Variants in LHFPL3 observed in about 807,000 individuals in gnomAD.
The protein encoded by LHFPL3 is LHFPL tetraspan subfamily member 3 protein.
LHFPL3 carries 5 observed loss-of-function variants against 19.3 expected under a neutral mutation model. The observed-to-expected ratio is 0.26, with a 90% CI of 0.14 to 0.54. LHFPL3 has a LOEUF of 0.54. Ranked by LOEUF, LHFPL3 falls within the 20% of genes least tolerant of loss-of-function variation. The pLI is 0.94. For synonymous variants in LHFPL3, 133 were observed against 126.2 expected, an observed-to-expected ratio of 1.05 and a Z score of -0.36; for missense variants, 249 against 307.4, an observed-to-expected ratio of 0.81 and a Z score of 1.42.
intron 1 of LHFPL3, among the ~76,000 whole-genome samples, chr7:104,359,320 C>T (rs1234143067): frequency 6.6e-6 from 1 of 152,112 alleles, no homozygotes; most frequent in African/African-American, 2.4e-5. Flanking sequence ...TTCAGAAGGT[C>T]CTATGTTAGG....
intron 1 of LHFPL3, among the ~76,000 whole-genome samples, chr7:104,420,226 G>A (rs1030188183): frequency 1.3e-5 from 2 of 152,222 alleles, no homozygotes; most frequent in African/African-American, 4.8e-5. Context: ...AGAAGGGAGA[G>A]AACCAGAGGG....
chr7:104,495,601 T>A (rs1051877234), intron 1 of LHFPL3, among the ~76,000 whole-genome samples: 1 of 152,154 alleles, frequency 6.6e-6, no homozygotes, highest in East Asian at 1.9e-4. Context: ...GCCAGGATGG[T>A]CTCCATCTCC....
intron 1 of LHFPL3, among the ~76,000 whole-genome samples, chr7:104,573,764 G>A (rs1051873335): frequency 6.6e-6 from 1 of 152,208 alleles, no homozygotes; most frequent in East Asian, 1.9e-4. Context: ...GTGAGAGACA[G>A]TCCCCTCTTC....
chr7:104,394,781 C>T (rs1397999169), intron 1 of LHFPL3, among the ~76,000 whole-genome samples: 1 of 151,654 alleles, frequency 6.6e-6, no homozygotes, highest in Non-Finnish European at 1.5e-5. Flanking sequence ...GCTGATTGCA[C>T]CCTCCACCTC....
intron 2 of LHFPL3, among the ~76,000 whole-genome samples, chr7:104,789,162 A>G (rs1317740694): frequency 6.6e-6 from 1 of 152,252 alleles, no homozygotes; most frequent in Non-Finnish European, 1.5e-5. Flanking sequence ...AGCTCCTCAC[A>G]TGCTTACCAA....
chr7:104,904,049 T>G (rs1562831378), intron 2 of LHFPL3, among the ~76,000 whole-genome samples: 1 of 152,236 alleles, frequency 6.6e-6, no homozygotes, highest in Admixed American at 6.5e-5. Flanking sequence ...TTTAATAATA[T>G]CTAAAGAAAG....
intron 1 of LHFPL3, among the ~76,000 whole-genome samples, chr7:104,602,171 C>T (rs894522415): frequency 5.3e-5 from 8 of 152,016 alleles, no homozygotes; most frequent in African/African-American, 1.9e-4. Flanking sequence ...CAGGCGTGCA[C>T]CACCATGCCT....
At chr7:104,610,825 C>T (rs981222251) in intron 1 of LHFPL3, among the ~76,000 whole-genome samples, 1 of 152,196 alleles carries the variant, frequency 6.6e-6, no homozygotes, top group African/African-American at 2.4e-5. Context: ...ATCTGGGCAT[C>T]CTGTGGCCCA....
At position 104,684,343 on chromosome 7, in the gene LHFPL3, G is replaced by C. The variant is rs559352417; in HGVS notation, c.446-52332G>C. On this transcript the variant is annotated intron_variant, in intron 1 of 2. Coordinates refer to ENST00000424859, the MANE Select transcript of LHFPL3 (RefSeq NM_199000.3). ...TCCAAGGAGTCAGTAAACTTTCTCC[G>C]TAAAGGGCCAGATAGTAAATATTTT... Among the ~76,000 whole-genome samples the C allele has an allele frequency of 2.6e-5, 4 of 152,128 alleles. 1 individual carries two copies. Among genetic ancestry groups the C allele is most frequent in the Middle Eastern group, 6.3e-3 (2 of 316 alleles).
At chr7:104,557,952 G>C (rs1384100821) in intron 1 of LHFPL3, among the ~76,000 whole-genome samples, 2 of 150,410 alleles carry the variant, frequency 1.3e-5, no homozygotes, top group African/African-American at 2.5e-5. Flanking sequence ...TCTTGCGATA[G>C]TTTACTGAGA....
At chr7:104,479,688 G>T (rs1387280993) in intron 1 of LHFPL3, among the ~76,000 whole-genome samples, 1 of 152,094 alleles carries the variant, frequency 6.6e-6, no homozygotes, top group East Asian at 1.9e-4. Flanking sequence ...CACTACGCCC[G>T]TCCTCTTCTT....
chr7:104,890,406 C>T (rs1434498535), intron 2 of LHFPL3, among the ~76,000 whole-genome samples: 3 of 152,206 alleles, frequency 2.0e-5, no homozygotes, highest in Non-Finnish European at 1.5e-5. Context: ...CCCTTCCTCC[C>T]CCGCATTACA....
In LHFPL3 at chr7:104,531,586, T is replaced by A. The variant is rs73407682; in HGVS notation, c.445+202362T>A. ...CAAAGAAAGCCCGGCCCACCTACTG[T>A]GTGCAGTCATGTCTTCTAGGACTTC... On this transcript the variant is annotated intron_variant, in intron 1 of 2. Coordinates refer to ENST00000424859, the MANE Select transcript of LHFPL3 (RefSeq NM_199000.3). Among the ~76,000 whole-genome samples the A allele has an allele frequency of 9.4e-3, 1,432 of 152,246 alleles. 23 individuals carry two copies. The highest frequency in any genetic ancestry group is 0.033 in the African/African-American group (1,358 of 41,530).
At chr7:104,751,487 A>G (rs1243777162) in intron 2 of LHFPL3, among the ~76,000 whole-genome samples, 378 of 126,378 alleles carry the variant, frequency 3.0e-3, no homozygotes, top group South Asian at 0.012. Flanking sequence ...ATTTTGACCT[A>G]TTCCTAATAG....
chr7:104,500,019 A>G (rs1471980069), intron 1 of LHFPL3, among the ~76,000 whole-genome samples: 1 of 152,244 alleles, frequency 6.6e-6, no homozygotes, highest in Non-Finnish European at 1.5e-5. Flanking sequence ...TGAGCACTGT[A>G]TATGTGGATG....
At chr7:104,414,137 G>A (rs536030005) in intron 1 of LHFPL3, among the ~76,000 whole-genome samples, 3 of 147,050 alleles carry the variant, frequency 2.0e-5, no homozygotes, top group East Asian at 3.9e-4. Flanking sequence ...TTTTTCTTTC[G>A]TTTGAAACCC....
chr7:104,633,862 A>G (rs1225006012), intron 1 of LHFPL3, among the ~76,000 whole-genome samples: 1 of 152,130 alleles, frequency 6.6e-6, no homozygotes, highest in East Asian at 1.9e-4. Flanking sequence ...TGAGGTATTC[A>G]TTTTCCCCCT....
At chr7:104,404,637 C>A (rs188459223) in intron 1 of LHFPL3, among the ~76,000 whole-genome samples, 1 of 152,142 alleles carries the variant, frequency 6.6e-6, no homozygotes, top group African/African-American at 2.4e-5. Context: ...CCAAAGTAAT[C>A]GTTCTGTCTC....
intron 1 of LHFPL3, among the ~76,000 whole-genome samples, chr7:104,725,078 T>C (rs149298578): frequency 7.2e-4 from 109 of 152,344 alleles, no homozygotes; most frequent in African/African-American, 2.5e-3. Flanking sequence ...CTCATATTCT[T>C]CACTTAAAAT....
Sources: allele counts gnomAD v4.1 joint callset (sites outside exome capture counted in the v4.1 genomes callset), GRCh38; gene constraint gnomAD v4.1.1; transcripts MANE v1.5; gene names NCBI Gene and HGNC (gene_info 2026-07-23, HGNC 2026-07-21).